The following SSBP2 variants were observed in gnomAD, a reference collection of about 807,000 sequenced individuals.
The protein encoded by SSBP2 is single-stranded DNA-binding protein 2.
A neutral mutation model predicts 61.8 loss-of-function variants in SSBP2; 17 were observed. The ratio of observed to expected loss-of-function variants is 0.28; its 90% CI spans 0.19 to 0.41. SSBP2 has a LOEUF of 0.41. Among genes scored for constraint, SSBP2 ranks in the 10% least tolerant of loss-of-function variants. SSBP2 has a pLI of 1.00. For synonymous variants in SSBP2, 139 were observed against 141.3 expected (o/e 0.98, Z 0.12); for missense variants, 310 against 458.7 (o/e 0.68, Z 2.96).
intron 4 of SSBP2, among the ~76,000 whole-genome samples, chr5:81,596,397 A>G (rs1743753242): frequency 1.5e-5 from 2 of 129,132 alleles, no homozygotes; most frequent in Non-Finnish European, 3.2e-5. Flanking sequence ...CAATATCATG[A>G]AAATGGCCAT....
rs1745939123 is a variant in SSBP2 at position 81,615,677 on chromosome 5, AT to A, written c.198-121del. 4 of 606,640 alleles carry A rather than the reference AT, an allele frequency of 6.6e-6. No individual in the cohort carries two copies. The East Asian group carries it at 1.4e-4, about 22-fold the overall frequency. The allele number at this position is 606,640 out of a possible 1,614,324, so 37.6% of individuals were successfully genotyped here. ...AAAATGTTTTGTCTTCAGAACAGAT[AT>A]CTATCTGAAAGACTTAAACGCAAGC... On this transcript the variant is annotated intron_variant, in intron 3 of 16. Transcript: ENST00000320672.
intron 2 of SSBP2, among the ~76,000 whole-genome samples, chr5:81,649,508 A>T (rs75115120): frequency 0.012 from 1,897 of 152,220 alleles, 34 homozygotes; most frequent in African/African-American, 0.044. Context: ...ATAATAAACA[A>T]ATTAACACAA....
At chr5:81,429,918 T>G (rs1274058111) in intron 15 of SSBP2, among the ~76,000 whole-genome samples, 6 of 152,280 alleles carry the variant, frequency 3.9e-5, no homozygotes, top group African/African-American at 1.4e-4. Flanking sequence ...CCATTGGAGC[T>G]CTCTGTGTCA....
At chr5:81,747,291 T>C (rs1411813330) in intron 1 of SSBP2, among the ~76,000 whole-genome samples, 2 of 152,146 alleles carry the variant, frequency 1.3e-5, no homozygotes, top group Non-Finnish European at 2.9e-5. Flanking sequence ...AATCACAGGT[T>C]CTAAAGTTAG....
rs1397631317 is a variant in SSBP2 at position 81,417,009 on chromosome 5, C to A, written c.*3495G>T. ...CTTGAGTAGCTGGGATTACAGGCAG[C>A]CACCACCATACCTGGCTAATTTTTG... On this transcript the variant is annotated 3_prime_UTR_variant, in exon 17 of 17. Coordinates refer to ENST00000320672, the MANE Select transcript of SSBP2 (RefSeq NM_012446.5). 6.6e-6 allele frequency: 1 copy of A among 152,082 alleles called. No homozygotes were observed. The highest frequency in any genetic ancestry group is 1.5e-5 in the Non-Finnish European group (1 of 68,080). The allele number at this position is 152,082 out of a possible 1,614,324, so 9.4% of individuals were successfully genotyped here. A position where few individuals can be genotyped will look rare whatever the true frequency, so the allele number is the denominator to read the frequency against.
intron 1 of SSBP2, among the ~76,000 whole-genome samples, chr5:81,651,014 T>G (rs1295984606): frequency 1.3e-5 from 2 of 152,164 alleles, no homozygotes; most frequent in Non-Finnish European, 2.9e-5. Flanking sequence ...ATATAGAATA[T>G]TCAATGTGTT....
chr5:81,616,450 T>TAC (rs1172558811), intron 3 of SSBP2: 12 of 151,692 alleles, frequency 7.9e-5, no homozygotes, highest in Admixed American at 7.3e-4. Flanking sequence ...CCGAGGGTCC[T>TAC]ACGCCCACGG....
intron 4 of SSBP2, among the ~76,000 whole-genome samples, chr5:81,598,484 C>A (rs1744018038): frequency 6.6e-6 from 1 of 152,166 alleles, no homozygotes; most frequent in Admixed American, 6.6e-5. Context: ...AACCCATAAG[C>A]ACAATAAATG....
chr5:81,719,954 T>C (rs558499467), intron 1 of SSBP2, among the ~76,000 whole-genome samples: 5 of 152,158 alleles, frequency 3.3e-5, no homozygotes, highest in African/African-American at 7.2e-5. Flanking sequence ...AGGAGGTAGC[T>C]GGCAGTATGG....
intron 6 of SSBP2, among the ~76,000 whole-genome samples, chr5:81,488,468 T>C (rs899861528): frequency 5.9e-5 from 9 of 152,160 alleles, no homozygotes; most frequent in African/African-American, 2.2e-4. Flanking sequence ...TTCCTTATGA[T>C]TAGTGATATT....
chr5:81,592,211 C>T (rs1403885557), intron 4 of SSBP2, among the ~76,000 whole-genome samples: 1 of 152,238 alleles, frequency 6.6e-6, no homozygotes, highest in African/African-American at 2.4e-5. Flanking sequence ...TCGGAGGGTC[C>T]TACGCCCACA....
chr5:81,671,854 C>A (rs1339473772), intron 1 of SSBP2, among the ~76,000 whole-genome samples: 1 of 151,824 alleles, frequency 6.6e-6, no homozygotes, highest in Admixed American at 6.6e-5. Context: ...AGGTTCTTCA[C>A]AAAAGGGCTT....
rs1340889865 is a variant in SSBP2, at chr5:81,547,980, A to G, written c.283-34263T>C. Among the ~76,000 whole-genome samples, 3 of 152,206 alleles carry G rather than the reference A, an allele frequency of 2.0e-5. No homozygotes were observed. The East Asian group carries it at 5.8e-4, about 29-fold the overall frequency. On this transcript the variant is annotated intron_variant, in intron 4 of 16. Coordinates refer to ENST00000320672, the MANE Select transcript of SSBP2 (RefSeq NM_012446.5). ...GAAACTATTCTGTATGTTACTGTGT[A>G]AACCCATGGAATATACAATATACAC...
intron 1 of SSBP2, among the ~76,000 whole-genome samples, chr5:81,658,847 T>C (rs982302867): frequency 6.6e-6 from 1 of 152,204 alleles, no homozygotes; most frequent in African/African-American, 2.4e-5. Flanking sequence ...ATCACTGTTA[T>C]GCAAGGCTGG....
At chr5:81,729,627 T>C (rs1303890982) in intron 1 of SSBP2, among the ~76,000 whole-genome samples, 1 of 152,190 alleles carries the variant, frequency 6.6e-6, no homozygotes, top group Admixed American at 6.5e-5. Context: ...TCATAGTATT[T>C]AACACTATGA....
intron 4 of SSBP2, among the ~76,000 whole-genome samples, chr5:81,610,206 G>C (rs573634991): frequency 6.6e-6 from 1 of 152,284 alleles, no homozygotes; most frequent in South Asian, 2.1e-4. Flanking sequence ...AGACTGGGGG[G>C]AGAGGTGGCA....
intron 8 of SSBP2, among the ~76,000 whole-genome samples, chr5:81,469,487 T>C (rs1245107197): frequency 6.6e-6 from 1 of 151,934 alleles, no homozygotes. Flanking sequence ...CTTTATGTAA[T>C]GGCTCCACAA....
intron 4 of SSBP2, among the ~76,000 whole-genome samples, chr5:81,536,461 T>G (rs1282346818): frequency 6.6e-6 from 1 of 152,068 alleles, no homozygotes; most frequent in Non-Finnish European, 1.5e-5. Flanking sequence ...CTGATCCCCT[T>G]TCTCCTCCCA....
intron 1 of SSBP2, among the ~76,000 whole-genome samples, chr5:81,737,959 T>G (rs1013245559): frequency 6.6e-6 from 1 of 152,154 alleles, no homozygotes; most frequent in African/African-American, 2.4e-5. Context: ...AATCTCAATT[T>G]CAAACTCTCA....
Sources: gnomAD v4.1 joint callset for allele counts (sites outside exome capture counted in the v4.1 genomes callset) on GRCh38, gnomAD v4.1.1 for gene constraint, MANE v1.5 for transcripts, NCBI Gene and HGNC (gene_info 2026-07-23, HGNC 2026-07-21) for gene names.